Variants in ZNF536 observed in about 807,000 individuals in gnomAD.
ZNF536 encodes the protein zinc finger protein 536.
A neutral mutation model predicts 84.5 loss-of-function variants in ZNF536; 13 were observed. The ratio of observed to expected loss-of-function variants is 0.15; its 90% CI spans 0.10 to 0.24. The LOEUF is 0.24. ZNF536 is among the 10% of genes least tolerant of loss of function. The pLI, the probability that ZNF536 is intolerant of heterozygous loss-of-function variation, is 1.00. For missense variants in ZNF536, 1,536 were observed against 1,747.5 expected (o/e 0.88, Z 2.16); for synonymous variants, 811 against 742.5 (o/e 1.09, Z -1.50).
chr19:30,398,494 C>T (rs937057958), intron 1 of ZNF536, among the ~76,000 whole-genome samples: 2 of 151,812 alleles, frequency 1.3e-5, no homozygotes, highest in Non-Finnish European at 2.9e-5. Flanking sequence ...CACCCATCAA[C>T]TCGTCACCTG....
intron 1 of ZNF536, among the ~76,000 whole-genome samples, chr19:30,701,471 A>T (rs2051970890): frequency 6.6e-6 from 1 of 151,884 alleles, no homozygotes; most frequent in Non-Finnish European, 1.5e-5. Context: ...ACACAAACAC[A>T]CACAGACACA....
At chr19:30,677,394 C>A (rs925974896) in intron 1 of ZNF536, among the ~76,000 whole-genome samples, 2 of 152,230 alleles carry the variant, frequency 1.3e-5, no homozygotes, top group South Asian at 4.1e-4. Flanking sequence ...GCCCTCCTGG[C>A]TATTGATGCA....
intron 2 of ZNF536, among the ~76,000 whole-genome samples, chr19:30,286,193 G>A (rs1754447327): frequency 6.6e-6 from 1 of 152,096 alleles, no homozygotes; most frequent in African/African-American, 2.4e-5. Context: ...TTTTCAAAGG[G>A]CTTTAAAATC....
In ZNF536 at chr19:30,541,031, G is replaced by A. The variant is rs138773495; in HGVS notation, c.2323+6032G>A. On this transcript the variant is annotated intron_variant, in intron 3 of 4. Transcript: ENST00000355537. ...CGCTCTGACCTCCTGGGATGGAAAC[G>A]GGGTGGGGGTGAGTGGGAGTGGAAT... 1.2e-3 allele frequency among the ~76,000 whole-genome samples: 190 copies of A among 152,334 alleles called. 2 individuals carry two copies. Among genetic ancestry groups the A allele is most frequent in the Non-Finnish European group, 2.1e-3 (144 of 68,036 alleles).
exon 3 of ZNF536, chr19:30,352,376 G>A (rs1439597352): frequency 6.6e-6 from 1 of 152,198 alleles, no homozygotes; most frequent in Non-Finnish European, 1.5e-5. Context: ...AGGGAACGGG[G>A]ACGCCCCCTC....
upstream of ZNF536, among the ~76,000 whole-genome samples, chr19:30,370,532 T>C (rs1295380621): frequency 6.6e-6 from 1 of 152,196 alleles, no homozygotes; most frequent in Non-Finnish European, 1.5e-5. Context: ...TTATAGAATG[T>C]CACTTTTATG....
rs2045665553 is a variant in ZNF536, at chr19:30,548,938, T to C, written c.3319T>C (p.Phe1107Leu). Residue 1107 changes from phenylalanine (F) to leucine (L), a missense_variant, in exon 4 of 5, where the codon TTC becomes CTC. By Grantham distance (22) the Phe-to-Leu change is conservative (BLOSUM62 0). This residue lies in a region of ZNF536 where 624 missense variants were observed against 603.1 expected (regional missense o/e 1.03). Transcript: ENST00000355537. ...CCACGTGGACCCTGCATTTTGTAACTTCCCATCAGACTTCTACAAGCAGTT... is the reference window on the plus strand; with the variant it reads ...CCACGTGGACCCTGCATTTTGTAACCTCCCATCAGACTTCTACAAGCAGTT... ...TGHVDPAFCN[F>L]PSDFYKQFGV... 2 of 1,614,114 alleles carry C rather than the reference T, an allele frequency of 1.2e-6. No individual in the cohort carries two copies. Among genetic ancestry groups the C allele is most frequent in the Non-Finnish European group, 1.7e-6 (2 of 1,180,018 alleles).
At chr19:30,378,996 G>A (rs756482436) in intron 1 of ZNF536, among the ~76,000 whole-genome samples, 5 of 152,164 alleles carry the variant, frequency 3.3e-5, no homozygotes, top group East Asian at 1.9e-4. Context: ...GTGTGGGGAG[G>A]GGGTGATAGC....
chr19:30,227,579 C>T (rs1177871346), upstream of ZNF536, among the ~76,000 whole-genome samples: 3 of 152,012 alleles, frequency 2.0e-5, no homozygotes, highest in Admixed American at 6.5e-5. Context: ...CGAGGTGTCC[C>T]GGCCTGCGGG....
intron 1 of ZNF536, among the ~76,000 whole-genome samples, chr19:30,658,227 G>A (rs1352977217): frequency 2.0e-5 from 3 of 151,968 alleles, no homozygotes; most frequent in Non-Finnish European, 4.4e-5. Flanking sequence ...TCATCATATT[G>A]GCCAGACTAG....
intron 1 of ZNF536, among the ~76,000 whole-genome samples, chr19:30,626,668 C>T (rs2048692000): frequency 6.6e-6 from 1 of 152,138 alleles, no homozygotes; most frequent in East Asian, 1.9e-4. Flanking sequence ...TCAGGAGCAC[C>T]GTGGGCCCCT....
downstream of ZNF536, among the ~76,000 whole-genome samples, chr19:30,562,885 G>A (rs550718504): frequency 6.6e-5 from 10 of 152,222 alleles, no homozygotes; most frequent in African/African-American, 9.6e-5. Flanking sequence ...TTGCAAGCCC[G>A]GGGTAGTTTG....
At chr19:30,467,940 G>C (rs543919166) in intron 2 of ZNF536, among the ~76,000 whole-genome samples, 1 of 152,242 alleles carries the variant, frequency 6.6e-6, no homozygotes, top group Non-Finnish European at 1.5e-5. Flanking sequence ...CCGCACAGCG[G>C]CCTGTGTGAG....
At chr19:30,627,712 G>A (rs567140749) in intron 1 of ZNF536, among the ~76,000 whole-genome samples, 1 of 152,236 alleles carries the variant, frequency 6.6e-6, no homozygotes, top group South Asian at 2.1e-4. Context: ...TCTATGATGC[G>A]CTGAGCTGTA....
intron 1 of ZNF536, among the ~76,000 whole-genome samples, chr19:30,647,857 A>G (rs1054372514): frequency 1.3e-5 from 2 of 152,148 alleles, no homozygotes; most frequent in African/African-American, 2.4e-5. Context: ...AAGCAGCATG[A>G]AGTCTTGAGG....
At chr19:30,423,963 G>A (rs1372740429) in intron 1 of ZNF536, among the ~76,000 whole-genome samples, 3 of 152,154 alleles carry the variant, frequency 2.0e-5, no homozygotes, top group Non-Finnish European at 2.9e-5. Context: ...AAGACAGGGG[G>A]CAAGTTTCCC....
chr19:30,459,377 G>T (rs1331286313), intron 2 of ZNF536, among the ~76,000 whole-genome samples: 18 of 113,088 alleles, frequency 1.6e-4, no homozygotes, highest in African/African-American at 5.6e-4. Flanking sequence ...TTTTGATGGA[G>T]TCTCTCCCTG....
intron 2 of ZNF536, among the ~76,000 whole-genome samples, chr19:30,290,850 C>T (rs182715334): frequency 2.6e-4 from 39 of 152,244 alleles, no homozygotes; most frequent in African/African-American, 8.7e-4. Context: ...GCCCCCCACC[C>T]ACCAACAGGC....
At chr19:30,293,828 G>A (rs1215788056) in intron 2 of ZNF536, among the ~76,000 whole-genome samples, 2 of 152,354 alleles carry the variant, frequency 1.3e-5, no homozygotes, top group African/African-American at 4.8e-5. Flanking sequence ...GTACTTAGTA[G>A]GTGCTTGCTA....
Sources: allele counts gnomAD v4.1 joint callset (sites outside exome capture counted in the v4.1 genomes callset), GRCh38; gene constraint gnomAD v4.1.1; regional missense constraint gnomAD v4.1.1; transcripts MANE v1.5; gene names NCBI Gene and HGNC (gene_info 2026-07-23, HGNC 2026-07-21).